Variants in FNIP1 observed in about 807,000 individuals in gnomAD.
The protein encoded by FNIP1 is folliculin interacting protein 1.
A neutral mutation model predicts 124.5 loss-of-function variants in FNIP1; 40 were observed. That is an observed-to-expected ratio of 0.32 (90% CI 0.25 to 0.42). The LOEUF (loss-of-function observed/expected upper bound fraction) is 0.42, where lower values mean the gene tolerates loss of function less well. Among genes scored for constraint, FNIP1 ranks in the 10% least tolerant of loss-of-function variants. The pLI, the probability that FNIP1 is intolerant of heterozygous loss-of-function variation, is 1.00. For synonymous variants in FNIP1, 472 were observed against 470.6 expected (o/e 1.00, Z -0.04); for missense variants, 1,176 against 1,403.7 (o/e 0.84, Z 2.59).
intron 2 of FNIP1, among the ~76,000 whole-genome samples, chr5:131,735,796 CACTT>C (rs1357053377): frequency 1.3e-5 from 2 of 151,116 alleles, no homozygotes; most frequent in Middle Eastern, 3.5e-3. Context: ...TACCTAACAA[CACTT>C]AAGGGAATGT....
At chr5:131,745,176 G>C (rs1257356267) in intron 1 of FNIP1, among the ~76,000 whole-genome samples, 1 of 151,724 alleles carries the variant, frequency 6.6e-6, no homozygotes, top group Admixed American at 6.6e-5. Flanking sequence ...AAAAAGTGGA[G>C]AGCAATCAAG....
intron 1 of FNIP1, chr5:131,795,600 G>T (rs1414083764): frequency 1.3e-5 from 2 of 152,150 alleles, no homozygotes; most frequent in African/African-American, 4.8e-5. Flanking sequence ...TGTTTAAAGA[G>T]AGACAGATGA....
chr5:131,781,965 C>A (rs1363795162), intron 1 of FNIP1, among the ~76,000 whole-genome samples: 2 of 152,052 alleles, frequency 1.3e-5, no homozygotes, highest in African/African-American at 2.4e-5. Flanking sequence ...TCAAGCCCAG[C>A]CTCCACAACA....
Position 131,716,547 on chromosome 5 carries a change from A to T in FNIP1, c.622+18T>A. On this transcript the variant is annotated intron_variant, in intron 6 of 17. Coordinates refer to ENST00000510461, the MANE Select transcript of FNIP1 (RefSeq NM_133372.3). ...TGCTAGTATTTTTTAAACTTATAAA[A>T]TCAAAGGAACCATTTACCTATATTT... The T allele has an allele frequency of 6.5e-7, 1 of 1,531,786 alleles. No individual in the cohort carries two copies. The highest frequency in any genetic ancestry group is 8.9e-7 in the Non-Finnish European group (1 of 1,121,132). 94.9% of individuals were successfully genotyped at this position (1,531,786 alleles called of 1,614,324 possible). A position where few individuals can be genotyped will look rare whatever the true frequency, so the allele number is the denominator to read the frequency against.
At chr5:131,774,788 AAC>A (rs1355567372) in intron 1 of FNIP1, among the ~76,000 whole-genome samples, 10 of 152,216 alleles carry the variant, frequency 6.6e-5, no homozygotes, top group African/African-American at 1.9e-4. Flanking sequence ...TATTTTAACA[AAC>A]ACAGTCATGG....
chr5:131,682,681 C>T (rs1165597044), intron 11 of FNIP1, among the ~76,000 whole-genome samples: 3 of 150,486 alleles, frequency 2.0e-5, no homozygotes, highest in Admixed American at 6.6e-5. Flanking sequence ...TGCACCACTT[C>T]ATTTCAGCCT....
chr5:131,745,904 T>C (rs914964178), intron 1 of FNIP1, among the ~76,000 whole-genome samples: 5 of 152,184 alleles, frequency 3.3e-5, no homozygotes, highest in African/African-American at 7.2e-5. Flanking sequence ...CTCCAGAGTT[T>C]GGAGAGTAAT....
intron 1 of FNIP1, among the ~76,000 whole-genome samples, chr5:131,790,012 G>A (rs1426386333): frequency 2.0e-5 from 3 of 152,266 alleles, no homozygotes; most frequent in South Asian, 4.1e-4. Flanking sequence ...CATCTCAATG[G>A]CAATTAAAAC....
chr5:131,727,122 C>A (rs538783407), intron 3 of FNIP1, among the ~76,000 whole-genome samples: 2 of 152,242 alleles, frequency 1.3e-5, no homozygotes, highest in African/African-American at 4.8e-5. Flanking sequence ...AATGTATATT[C>A]TGTTTATTTG....
intron 15 of FNIP1, among the ~76,000 whole-genome samples, chr5:131,661,776 A>C (rs1437223842): frequency 2.0e-5 from 3 of 152,194 alleles, no homozygotes; most frequent in Non-Finnish European, 4.4e-5. Flanking sequence ...TGCCAACAAA[A>C]GGTAAGAATT....
At chr5:131,685,572 T>C (rs1232254514) in intron 11 of FNIP1, among the ~76,000 whole-genome samples, 1 of 150,772 alleles carries the variant, frequency 6.6e-6, no homozygotes, top group Non-Finnish European at 1.5e-5. Context: ...TTCTCCTGCC[T>C]CAGGCTCCTC....
At chr5:131,699,418 G>T (rs567043988) in intron 10 of FNIP1, among the ~76,000 whole-genome samples, 73 of 129,144 alleles carry the variant, frequency 5.7e-4, no homozygotes, top group African/African-American at 2.2e-3. Context: ...TTTTTGACAA[G>T]AGTCTCACTC....
chr5:131,717,653 T>C (rs1769514334), intron 5 of FNIP1, among the ~76,000 whole-genome samples: 1 of 152,178 alleles, frequency 6.6e-6, no homozygotes, highest in African/African-American at 2.4e-5. Context: ...TTAGTGTCTC[T>C]TTCAGGATAA....
intron 2 of FNIP1, among the ~76,000 whole-genome samples, chr5:131,734,548 T>C (rs1346666148): frequency 6.6e-6 from 1 of 152,146 alleles, no homozygotes; most frequent in Non-Finnish European, 1.5e-5. Context: ...AGAAAATTTT[T>C]GCAACCTACT....
At chr5:131,677,361 T>C (rs748125201) in intron 13 of FNIP1, among the ~76,000 whole-genome samples, 9 of 152,222 alleles carry the variant, frequency 5.9e-5, no homozygotes, top group Non-Finnish European at 1.0e-4. Flanking sequence ...CCTAACCAGA[T>C]TGATTTTAGG....
At chr5:131,670,266 A>G (rs1767711983) in intron 15 of FNIP1, among the ~76,000 whole-genome samples, 197 bp downstream of exon 15, 1 of 152,206 alleles carries the variant, frequency 6.6e-6, no homozygotes, top group Admixed American at 6.5e-5. Flanking sequence ...TCAGATATCC[A>G]TGTGGATAGA....
intron 11 of FNIP1, among the ~76,000 whole-genome samples, chr5:131,688,192 T>A (rs1768347884): frequency 6.6e-6 from 1 of 151,700 alleles, no homozygotes; most frequent in South Asian, 2.1e-4. Flanking sequence ...ATAGCTCCAG[T>A]GTAACAAATG....
At chr5:131,786,352 A>G (rs1411854939) in intron 1 of FNIP1, among the ~76,000 whole-genome samples, 1 of 152,260 alleles carries the variant, frequency 6.6e-6, no homozygotes, top group African/African-American at 2.4e-5. Context: ...AAATGCAATT[A>G]AAACACAAGC....
intron 1 of FNIP1, among the ~76,000 whole-genome samples, chr5:131,748,070 A>G (rs1291284804): frequency 2.0e-5 from 3 of 151,936 alleles, no homozygotes; most frequent in Non-Finnish European, 4.4e-5. Flanking sequence ...TTTCTTTGTC[A>G]AGCAGGTGAA....
Sources: allele counts gnomAD v4.1 joint callset (sites outside exome capture counted in the v4.1 genomes callset), GRCh38; gene constraint gnomAD v4.1.1; transcripts MANE v1.5; gene names NCBI Gene and HGNC (gene_info 2026-07-23, HGNC 2026-07-21).